The following STYX variants were observed in gnomAD, a reference collection of about 807,000 sequenced individuals.
STYX encodes the protein serine/threonine/tyrosine-interacting protein.
STYX carries 20 observed loss-of-function variants against 42.7 expected under a neutral mutation model. The observed-to-expected ratio is 0.47, with a 90% CI of 0.33 to 0.68. The LOEUF is 0.68. STYX is among the 30% of genes least tolerant of loss of function. The pLI is 0.02. For synonymous variants in STYX, 78 were observed against 81.9 expected (o/e 0.95, Z 0.26); for missense variants, 226 against 268.5 (o/e 0.84, Z 1.11).
intron 10 of STYX, among the ~76,000 whole-genome samples, chr14:52,769,356 TTTCCC>T (rs1882428819): frequency 6.6e-6 from 1 of 152,272 alleles, no homozygotes; most frequent in Admixed American, 6.5e-5. Context: ...AAAATCTTCC[TTTCCC>T]AAGACCTTGC....
chr14:52,756,249 C>T (rs374449896), intron 4 of STYX, among the ~76,000 whole-genome samples: 1 of 152,162 alleles, frequency 6.6e-6, no homozygotes, highest in African/African-American at 2.4e-5. Flanking sequence ...TCCCTGGGCT[C>T]AAGTGATCCT....
At chr14:52,756,738 A>G (rs959165613) in intron 5 of STYX, 127 bp downstream of exon 5, 26 of 429,986 alleles carry the variant, frequency 6.0e-5, no homozygotes, top group Non-Finnish European at 9.9e-5. Flanking sequence ...CCCAGGCTGG[A>G]GTGCAATGGC....
intron 1 of STYX, among the ~76,000 whole-genome samples, chr14:52,740,343 C>T (rs1420124760): frequency 6.6e-6 from 1 of 152,176 alleles, no homozygotes; most frequent in Non-Finnish European, 1.5e-5. Context: ...TTAGAAATTA[C>T]ATGCTTTATT....
At chr14:52,755,427 C>T (rs949583676) in intron 4 of STYX, among the ~76,000 whole-genome samples, 2 of 152,036 alleles carry the variant, frequency 1.3e-5, no homozygotes, top group Admixed American at 6.6e-5. Flanking sequence ...TCAGCCTCAG[C>T]TTCTCTGTAT....
At chr14:52,753,892 A>ATTTTTTT (rs56734068) in intron 4 of STYX, among the ~76,000 whole-genome samples, 3 of 77,244 alleles carry the variant, frequency 3.9e-5, no homozygotes, top group Non-Finnish European at 4.9e-5. Context: ...CAAAACACTG[A>ATTTTTTT]TTTTTTTTTT....
intron 1 of STYX, among the ~76,000 whole-genome samples, chr14:52,740,827 G>C (rs1441801914): frequency 1.3e-5 from 2 of 152,108 alleles, no homozygotes; most frequent in Non-Finnish European, 1.5e-5. Flanking sequence ...ATTGAGTTTT[G>C]ATGAACATAC....
Position 52,768,824 on chromosome 14 carries a change from CTTAT to C in STYX, c.505-13_505-10del. 1 of 1,291,180 alleles carries C rather than the reference CTTAT, an allele frequency of 7.7e-7. No homozygotes were observed. The highest frequency in any genetic ancestry group is 1.5e-5 in the South Asian group (1 of 67,390). The allele number at this position is 1,291,180 out of a possible 1,614,324, so 80.0% of individuals were successfully genotyped here. On this transcript the variant is annotated splice_polypyrimidine_tract_variant and intron_variant, in intron 9 of 10. Coordinates refer to ENST00000354586, the MANE Select transcript of STYX (RefSeq NM_145251.4). ...GTAAATATATAATTAAGTTAATTAA[CTTAT>C]TTTTTTTTTAGGAATATGAAGCCAT...
At position 52,759,174 on chromosome 14, in the gene STYX, G is replaced by T. The variant is rs116636046; in HGVS notation, c.432-508G>T. On this transcript the variant is annotated intron_variant, in intron 8 of 10. Transcript: ENST00000354586. ...GTCTTCCTTTGTTTCTCAGGCTGGA[G>T]TGTAGTGGCACAATCATAGCTCACT... is the stretch of plus-strand genomic sequence containing the variant. 5.4e-3 allele frequency among the ~76,000 whole-genome samples: 823 copies of T among 152,290 alleles called. 10 individuals are homozygous for T. The highest frequency in any genetic ancestry group is 0.019 in the African/African-American group (779 of 41,566).
chr14:52,732,816 G>T (rs768782736), intron 1 of STYX, among the ~76,000 whole-genome samples: 1 of 151,186 alleles, frequency 6.6e-6, no homozygotes, highest in African/African-American at 2.4e-5. Flanking sequence ...GATTACAGGC[G>T]CCCGCCACCA....
At chr14:52,763,275 C>T (rs1356329327) in intron 9 of STYX, among the ~76,000 whole-genome samples, 1 of 152,172 alleles carries the variant, frequency 6.6e-6, no homozygotes, top group Non-Finnish European at 1.5e-5. Context: ...AAGAGTTCTA[C>T]ATAGAATTAA....
intron 6 of STYX, among the ~76,000 whole-genome samples, 155 bp from the exon 7 acceptor site, chr14:52,757,588 T>C (rs991524105): frequency 3.3e-5 from 5 of 152,210 alleles, no homozygotes; most frequent in Admixed American, 6.5e-5. Flanking sequence ...AAGAGTCTGC[T>C]ATATTCTCTA....
intron 1 of STYX, among the ~76,000 whole-genome samples, chr14:52,742,381 A>C (rs1881226711): frequency 6.6e-6 from 1 of 152,118 alleles, no homozygotes; most frequent in Non-Finnish European, 1.5e-5. Flanking sequence ...GTACGTTTCC[A>C]CTTAAAATAA....
chr14:52,764,545 A>G (rs1882225299), intron 9 of STYX, among the ~76,000 whole-genome samples: 1 of 150,150 alleles, frequency 6.7e-6, no homozygotes, highest in Non-Finnish European at 1.5e-5. Flanking sequence ...ATCTATTATT[A>G]TTTCATATTA....
chr14:52,739,632 C>CTTTTTTTTTTTTTTTTTTTT (rs58454717), intron 1 of STYX, among the ~76,000 whole-genome samples: 2 of 65,728 alleles, frequency 3.0e-5, no homozygotes, highest in Non-Finnish European at 5.4e-5. Context: ...TCCTTTCTTT[C>CTTTTTTTTTTTTTTTTTTTT]TTTTTTTTTT....
At position 52,757,862 on chromosome 14, in the gene STYX, T is replaced by C. The variant is rs1344570651; in HGVS notation, c.381-12T>C. 1.2e-6 allele frequency: 2 copies of C among 1,612,992 alleles called. No individual in the cohort carries two copies. Among genetic ancestry groups the C allele is most frequent in the Non-Finnish European group, 1.7e-6 (2 of 1,179,770 alleles). ...TTTCTGGTTGTTTTTAAAATTATTT[T>C]CCCCTCTTCAGTGCAGCCTTTGTTA... On this transcript the variant is annotated splice_polypyrimidine_tract_variant and intron_variant, in intron 7 of 10. Coordinates refer to ENST00000354586, the MANE Select transcript of STYX (RefSeq NM_145251.4).
chr14:52,757,670 A>G (rs1881927784), intron 6 of STYX, 73 bp from the exon 7 acceptor site: 10 of 1,356,828 alleles, frequency 7.4e-6, no homozygotes, highest in Non-Finnish European at 9.5e-6. Context: ...GAGTTACTTT[A>G]CTGTGGTTTC....
At chr14:52,768,492 T>C (rs1397491268) in intron 9 of STYX, among the ~76,000 whole-genome samples, 1 of 152,190 alleles carries the variant, frequency 6.6e-6, no homozygotes, top group African/African-American at 2.4e-5. Context: ...TATTCTTCTA[T>C]CTATAACTGG....
chr14:52,749,373 ACTTTGCTCATGAATTATT>A (rs1881521062), intron 3 of STYX, among the ~76,000 whole-genome samples: 1 of 152,050 alleles, frequency 6.6e-6, no homozygotes, highest in Admixed American at 6.5e-5. Context: ...ATTTTTTTTT[ACTTTGCTCATGAATTATT>A]AGTGCTACTG....
At chr14:52,749,690 T>C (rs1371123617) in intron 3 of STYX, among the ~76,000 whole-genome samples, 2 of 152,204 alleles carry the variant, frequency 1.3e-5, no homozygotes, top group Non-Finnish European at 2.9e-5. Context: ...CTTAAACTTA[T>C]CACTAGCAAA....
Sources: gnomAD v4.1 joint callset for allele counts (sites outside exome capture counted in the v4.1 genomes callset) on GRCh38, gnomAD v4.1.1 for gene constraint, MANE v1.5 for transcripts, NCBI Gene and HGNC (gene_info 2026-07-23, HGNC 2026-07-21) for gene names.